The following ITSN1 variants were observed in gnomAD, a reference collection of about 807,000 sequenced individuals.
The protein encoded by ITSN1 is intersectin-1.
In ITSN1, 58 loss-of-function variants were observed where a neutral mutation model predicts 239.8. That is an observed-to-expected ratio of 0.24 (90% CI 0.20 to 0.30). The LOEUF (loss-of-function observed/expected upper bound fraction) is 0.30. ITSN1 is among the 10% of genes least tolerant of loss of function. The pLI is 1.00. For missense variants in ITSN1, 1,558 were observed against 2,103.3 expected, an observed-to-expected ratio of 0.74 and a Z score of 5.07; for synonymous variants, 780 against 770.8, an observed-to-expected ratio of 1.01 and a Z score of -0.20.
At chr21:33,685,328 T>A (rs935539780) in intron 1 of ITSN1, among the ~76,000 whole-genome samples, 1 of 152,148 alleles carries the variant, frequency 6.6e-6, no homozygotes, top group Non-Finnish European at 1.5e-5. Context: ...ATTTGCAAGT[T>A]CTTATCTGTT....
intron 1 of ITSN1, among the ~76,000 whole-genome samples, chr21:33,700,876 C>T (rs1568971600): frequency 6.6e-6 from 1 of 151,196 alleles, no homozygotes; most frequent in Non-Finnish European, 1.5e-5. Context: ...CCTAGATTAG[C>T]CTATTTTGGT....
At position 33,781,493 on chromosome 21, in the gene ITSN1, A is replaced by G; in HGVS notation, c.1629A>G (p.Pro543=). The G allele has an allele frequency of 1.9e-6, 3 of 1,598,904 alleles. No homozygotes were observed. The highest frequency in any genetic ancestry group is 2.6e-6 in the Non-Finnish European group (3 of 1,171,738). ...ESQQMLGRLI[P]EKQILNDQLK... ...AGCAAATGCTTGGAAGACTTATTCC[A>G]GAAAAACAGATACTCAATGACCAAT... The change falls in exon 15 of 40, where the codon CCA becomes CCG. Residue 543 remains proline, a synonymous_variant. Coordinates refer to ENST00000381318, the MANE Select transcript of ITSN1 (RefSeq NM_003024.3).
intron 6 of ITSN1, among the ~76,000 whole-genome samples, chr21:33,750,938 A>G (rs533501286): frequency 3.7e-4 from 57 of 152,308 alleles, no homozygotes; most frequent in Middle Eastern, 3.4e-3. Flanking sequence ...ATCAATATGG[A>G]AAGTATTATT....
At chr21:33,708,457 C>T (rs1398692146) in intron 1 of ITSN1, among the ~76,000 whole-genome samples, 3 of 151,866 alleles carry the variant, frequency 2.0e-5, no homozygotes, top group Admixed American at 6.6e-5. Flanking sequence ...GGCGCGATCT[C>T]GGCTCACAGC....
chr21:33,862,048 A>G (rs749986967), intron 31 of ITSN1, among the ~76,000 whole-genome samples: 1 of 150,778 alleles, frequency 6.6e-6, no homozygotes, highest in Non-Finnish European at 1.5e-5. Context: ...CTGTAATACA[A>G]ACTACTCAGG....
chr21:33,667,256 A>T (rs2089988338), intron 1 of ITSN1, among the ~76,000 whole-genome samples: 1 of 147,606 alleles, frequency 6.8e-6, no homozygotes, highest in African/African-American at 2.5e-5. Context: ...ATATGTCTGG[A>T]TTTTTTTGTT....
Position 33,823,469 on chromosome 21 carries a change from A to T in ITSN1, c.3017-18A>T. 6.2e-7 allele frequency: 1 copy of T among 1,608,666 alleles called. No individual in the cohort carries two copies. The highest frequency in any genetic ancestry group is 1.3e-5 in the African/African-American group (1 of 74,870). ...AACAATCAAGCTCTCTCCGTATCTC[A>T]ATATTTCTCCCCACCAGAATTTATT... On this transcript the variant is annotated intron_variant, in intron 24 of 39. Coordinates refer to ENST00000381318, the MANE Select transcript of ITSN1 (RefSeq NM_003024.3).
At chr21:33,688,792 T>G (rs1042501181) in intron 1 of ITSN1, among the ~76,000 whole-genome samples, 8 of 151,568 alleles carry the variant, frequency 5.3e-5, no homozygotes, top group African/African-American at 1.5e-4. Context: ...TAAGAATAGT[T>G]CACTAGTCCT....
chr21:33,751,254 A>T (rs1434443585), intron 6 of ITSN1, among the ~76,000 whole-genome samples: 1 of 152,172 alleles, frequency 6.6e-6, no homozygotes, highest in Non-Finnish European at 1.5e-5. Flanking sequence ...TTCTTTTGTG[A>T]CTAATGGCAC....
rs1326833046 is a variant in ITSN1 at position 33,797,202 on chromosome 21, CAT to C, written c.1953-176_1953-175del. 6.6e-6 allele frequency among the ~76,000 whole-genome samples: 1 copy of C among 152,150 alleles called. No homozygotes were observed. Among genetic ancestry groups the C allele is most frequent in the Admixed American group, 6.5e-5 (1 of 15,274 alleles). On this transcript the variant is annotated intron_variant, in intron 17 of 39. Coordinates refer to ENST00000381318, the MANE Select transcript of ITSN1 (RefSeq NM_003024.3). The surrounding 1 kb of genome is among the most constrained non-coding windows in gnomAD (Gnocchi z 4.9). ...AGAAATTTTCTGTGTTTTCCTAAAT[CAT>C]GTGATTTCTTCTCATTCAGAACTGG...
At chr21:33,727,990 C>CA (rs1437624486) in intron 4 of ITSN1, among the ~76,000 whole-genome samples, 1 of 143,920 alleles carries the variant, frequency 6.9e-6, no homozygotes, top group Non-Finnish European at 1.5e-5. Flanking sequence ...TTTTTTGAGA[C>CA]AAAGTCTCAC....
At chr21:33,851,335 G>A (rs1296954450) in intron 29 of ITSN1, among the ~76,000 whole-genome samples, 1 of 152,168 alleles carries the variant, frequency 6.6e-6, no homozygotes, top group Non-Finnish European at 1.5e-5. Flanking sequence ...ACGAGGAGTT[G>A]CTCCCTTCTG....
Position 33,782,049 on chromosome 21 carries a change from G to A in ITSN1, c.1740G>A (p.Gln580=), listed in dbSNP as rs2070235066. 6.2e-7 allele frequency: 1 copy of A among 1,613,598 alleles called. No individual in the cohort carries two copies. Among genetic ancestry groups the A allele is most frequent in the Non-Finnish European group, 8.5e-7 (1 of 1,179,598 alleles). ...TAGAAGCAAAAGAACTAGCTCGGCA[G>A]CACCTACGAGACCAACTGGATGAAG... ...RALEAKELAR[Q]HLRDQLDEVE... Residue 580 remains glutamine, a synonymous_variant, in exon 16 of 40, where the codon CAG becomes CAA. Transcript: ENST00000381318.
In ITSN1 at chr21:33,797,645, A is replaced by G. The variant is rs1331408109; in HGVS notation, c.2182+37A>G. The G allele has an allele frequency of 9.6e-6, 15 of 1,561,112 alleles. No individual in the cohort carries two copies. Among genetic ancestry groups the G allele is most frequent in the Non-Finnish European group, 1.3e-5 (15 of 1,135,328 alleles). Reference sequence around the variant, plus strand: ...CAAAAATAATTATAGAAAATAAGTCATCTTCTCTCCCAGAGCCTCCTGAAA... The same window carrying G: ...CAAAAATAATTATAGAAAATAAGTCGTCTTCTCTCCCAGAGCCTCCTGAAA... On this transcript the variant is annotated intron_variant, in intron 18 of 39. Transcript: ENST00000381318. This position sits in a 1 kb window ranked among gnomAD's most constrained non-coding sequence, Gnocchi z 4.9.
At chr21:33,819,850 C>T (rs990331824) in intron 24 of ITSN1, among the ~76,000 whole-genome samples, 4 of 151,680 alleles carry the variant, frequency 2.6e-5, no homozygotes, top group Non-Finnish European at 5.9e-5. Context: ...GGCGCGGTGG[C>T]GGGCGCCTGT....
At chr21:33,828,653 T>G (rs1476531075) in intron 26 of ITSN1, among the ~76,000 whole-genome samples, 1 of 152,214 alleles carries the variant, frequency 6.6e-6, no homozygotes, top group East Asian at 1.9e-4. Context: ...TGTCCTTCTT[T>G]CCTTCTTTTC....
intron 16 of ITSN1, among the ~76,000 whole-genome samples, chr21:33,784,504 A>G (rs1038902107): frequency 1.3e-5 from 2 of 152,208 alleles, no homozygotes; most frequent in African/African-American, 4.8e-5. Flanking sequence ...CCCTGTCTCA[A>G]AAAACAAACA....
At chr21:33,859,899 G>GA (rs1980142898) in intron 31 of ITSN1, among the ~76,000 whole-genome samples, 1 of 152,178 alleles carries the variant, frequency 6.6e-6, no homozygotes, top group Non-Finnish European at 1.5e-5. Context: ...CGATGCCGTG[G>GA]AAGCCTTTCG....
Position 33,767,736 on chromosome 21 carries a change from T to C in ITSN1, c.950T>C (p.Ile317Thr), listed in dbSNP as rs2068828702. The change falls in exon 11 of 40, where the codon ATA becomes ACA. Residue 317 changes from isoleucine to threonine, a missense_variant. Ile to Thr is a moderately conservative substitution (Grantham distance 89, BLOSUM62 -1). Coordinates refer to ENST00000381318, the MANE Select transcript of ITSN1 (RefSeq NM_003024.3). Reference protein sequence around the residue: ...SFRRVRSGSGISVISSTSVDQ... With the variant: ...SFRRVRSGSGTSVISSTSVDQ... Reference sequence around the variant, plus strand: ...AGAAGAGTTCGATCTGGCAGTGGTATATCTGTCATAAGCTCAACATCTGTA... The same window carrying C: ...AGAAGAGTTCGATCTGGCAGTGGTACATCTGTCATAAGCTCAACATCTGTA... 1 of 1,610,478 alleles carries C rather than the reference T, an allele frequency of 6.2e-7. No individual in the cohort carries two copies. Among genetic ancestry groups the C allele is most frequent in the Admixed American group, 1.7e-5 (1 of 59,746 alleles).
Sources: gnomAD v4.1 joint callset for allele counts (sites outside exome capture counted in the v4.1 genomes callset) on GRCh38, gnomAD v4.1.1 for gene constraint, Gnocchi (gnomAD v3.1) non-coding constraint, MANE v1.5 for transcripts, NCBI Gene and HGNC (gene_info 2026-07-23, HGNC 2026-07-21) for gene names.